RIPOR2: variants seen among roughly 807,000 people sequenced by gnomAD.
RIPOR2 encodes the protein RHO family interacting cell polarization regulator 2.
Under a neutral mutation model 114.5 loss-of-function variants are expected in RIPOR2, and 39 were observed. The observed-to-expected ratio is 0.34, with a 90% CI of 0.26 to 0.44. The LOEUF is 0.44. Among genes scored for constraint, RIPOR2 ranks in the 20% least tolerant of loss-of-function variants. RIPOR2 has a pLI of 1.00. For synonymous variants in RIPOR2, 445 were observed against 484.4 expected, an observed-to-expected ratio of 0.92 and a Z score of 1.07; for missense variants, 1,007 against 1,255.1, an observed-to-expected ratio of 0.80 and a Z score of 2.99.
intron 1 of RIPOR2, among the ~76,000 whole-genome samples, chr6:25,036,734 G>T (rs899190111): frequency 1.1e-4 from 17 of 152,158 alleles, no homozygotes; most frequent in African/African-American, 4.1e-4. Flanking sequence ...TTCCAAGTGG[G>T]CTCTGTCATC....
intron 1 of RIPOR2, among the ~76,000 whole-genome samples, chr6:25,026,906 A>G (rs928440048): frequency 6.6e-6 from 1 of 152,152 alleles, no homozygotes; most frequent in African/African-American, 2.4e-5. Flanking sequence ...CCACTCTGCC[A>G]TGCTCCACAG....
intron 1 of RIPOR2, among the ~76,000 whole-genome samples, chr6:24,924,596 C>T (rs557621093): frequency 6.6e-6 from 1 of 152,198 alleles, no homozygotes; most frequent in Admixed American, 6.5e-5. Context: ...ATCCTTCCAA[C>T]TGGTATTACA....
At chr6:24,919,789 G>A (rs1770340171) in intron 1 of RIPOR2, among the ~76,000 whole-genome samples, 1 of 152,190 alleles carries the variant, frequency 6.6e-6, no homozygotes, top group Non-Finnish European at 1.5e-5. Flanking sequence ...AAGTTCAACA[G>A]CTGTAGGCCG....
chr6:24,985,540 A>C (rs1228535283), intron 1 of RIPOR2, among the ~76,000 whole-genome samples: 1 of 152,212 alleles, frequency 6.6e-6, no homozygotes, highest in Non-Finnish European at 1.5e-5. Context: ...TCAGTTACCC[A>C]GGACATCCAA....
chr6:24,844,798 G>T (rs1376347489), intron 12 of RIPOR2, among the ~76,000 whole-genome samples: 4 of 152,058 alleles, frequency 2.6e-5, no homozygotes. Flanking sequence ...ATTTTTCTTA[G>T]ATCCCAGATT....
chr6:24,839,395 A>T, intron 13 of RIPOR2, 123 bp from the exon 14 acceptor site: 1 of 1,437,800 alleles, frequency 7.0e-7, no homozygotes, highest in Non-Finnish European at 9.2e-7. Flanking sequence ...TTTTGTTAGC[A>T]TTTAAAAAAT....
intron 6 of RIPOR2, among the ~76,000 whole-genome samples, chr6:24,867,960 C>T (rs750198966): frequency 6.6e-6 from 1 of 152,128 alleles, no homozygotes; most frequent in Non-Finnish European, 1.5e-5. Flanking sequence ...GATAAATATA[C>T]CCTTACCTAA....
intron 1 of RIPOR2, among the ~76,000 whole-genome samples, chr6:24,969,308 A>G (rs1773671762): frequency 6.6e-6 from 1 of 152,160 alleles, no homozygotes; most frequent in Non-Finnish European, 1.5e-5. Flanking sequence ...TAAACTTAGA[A>G]ATGCAGACTC....
At chr6:24,890,511 G>A (rs1483723855) in intron 1 of RIPOR2, among the ~76,000 whole-genome samples, 2 of 152,088 alleles carry the variant, frequency 1.3e-5, no homozygotes, top group Non-Finnish European at 2.9e-5. Context: ...GTGGGGAGAG[G>A]GGAGGGGAGT....
At chr6:24,874,292 G>A (rs1370439633) in intron 2 of RIPOR2, among the ~76,000 whole-genome samples, 1 of 151,904 alleles carries the variant, frequency 6.6e-6, no homozygotes, top group Non-Finnish European at 1.5e-5. Flanking sequence ...AACATTTTTT[G>A]TAGAGATGGG....
At chr6:24,827,680 T>C (rs191740727) in intron 18 of RIPOR2, among the ~76,000 whole-genome samples, 109 of 152,346 alleles carry the variant, frequency 7.2e-4, no homozygotes, top group Admixed American at 1.6e-3. Context: ...TCTTGTACCC[T>C]GGACATGGAG....
chr6:24,973,144 A>G (rs1773866631), intron 1 of RIPOR2, among the ~76,000 whole-genome samples: 1 of 152,230 alleles, frequency 6.6e-6, no homozygotes, highest in African/African-American at 2.4e-5. Flanking sequence ...TCCAAAAAAC[A>G]TATTTAAATA....
At chr6:24,991,215 A>T (rs1774797237) in intron 1 of RIPOR2, among the ~76,000 whole-genome samples, 1 of 152,208 alleles carries the variant, frequency 6.6e-6, no homozygotes, top group Non-Finnish European at 1.5e-5. Flanking sequence ...TTGAAGGCTG[A>T]TGCAGCTGAG....
intron 21 of RIPOR2, 72 bp from the exon 22 acceptor site, chr6:24,806,545 G>C: frequency 8.4e-7 from 1 of 1,185,982 alleles, no homozygotes; most frequent in Non-Finnish European, 1.2e-6. Context: ...GTAACATAGT[G>C]CCATTTGTTT....
intron 1 of RIPOR2, among the ~76,000 whole-genome samples, chr6:24,922,237 A>G (rs1453842716): frequency 6.6e-6 from 1 of 152,226 alleles, no homozygotes; most frequent in East Asian, 1.9e-4. Context: ...TCATCTCTAG[A>G]GGAGCCTCAG....
At chr6:24,943,519 T>G (rs983881857) in intron 1 of RIPOR2, among the ~76,000 whole-genome samples, 15 of 152,116 alleles carry the variant, frequency 9.9e-5, no homozygotes, top group Non-Finnish European at 8.8e-5. Context: ...CTTTCTTCCA[T>G]AAAAGCAATA....
intron 1 of RIPOR2, among the ~76,000 whole-genome samples, chr6:25,010,905 G>C (rs879305810): frequency 6.6e-6 from 1 of 152,220 alleles, no homozygotes; most frequent in Non-Finnish European, 1.5e-5. Context: ...ATCCCCATGC[G>C]TGCTACACTA....
At chr6:24,890,846 G>C (rs538399437) in intron 1 of RIPOR2, among the ~76,000 whole-genome samples, 1 of 15,768 alleles carries the variant, frequency 6.3e-5, no homozygotes, top group African/African-American at 3.0e-4. Flanking sequence ...TGTAGAAATA[G>C]GGTCTTGCTA....
At chr6:24,942,308 T>C (rs1001427130) in intron 1 of RIPOR2, among the ~76,000 whole-genome samples, 5 of 152,212 alleles carry the variant, frequency 3.3e-5, no homozygotes, top group African/African-American at 1.2e-4. Context: ...AATGTATTTT[T>C]AAATAATAAT....
Sources: allele counts gnomAD v4.1 joint callset (sites outside exome capture counted in the v4.1 genomes callset), GRCh38; gene constraint gnomAD v4.1.1; transcripts MANE v1.5; gene names NCBI Gene and HGNC (gene_info 2026-07-23, HGNC 2026-07-21).